The following HMCN2 variants were observed in gnomAD, a reference collection of about 807,000 sequenced individuals.
The protein encoded by HMCN2 is hemicentin 2, also known as hemicentin-2.
A neutral mutation model predicts 377.5 loss-of-function variants in HMCN2; 325 were observed. The observed-to-expected ratio is 0.86, with a 90% CI of 0.79 to 0.94. The LOEUF (loss-of-function observed/expected upper bound fraction) is 0.94. HMCN2 is among the 40% of genes least tolerant of loss of function. The probability of loss-of-function intolerance (pLI) is 0.00; values close to 1 mark genes in which losing one functional copy is unlikely to be tolerated. For missense variants in HMCN2, 4,543 were observed against 4,725.3 expected (o/e 0.96, Z 1.13); for synonymous variants, 2,007 against 2,046.8 (o/e 0.98, Z 0.53).
chr9:130,425,095 C>T lies in HMCN2; in HGVS notation c.13606C>T (p.Pro4536Ser), dbSNP rs764450160. The change falls in exon 89 of 98, where the codon CCC becomes TCC. Residue 4536 changes from proline to serine, a missense_variant. Transcript: ENST00000683500. ...CGACGTGGTGGTCAATGGCGTTGTC[C>T]CCGAGAGCCTGGCTGACGCAGATCT... ...LLDVVVNGVV[P>S]ESLADADLQV... The T allele has an allele frequency of 1.9e-6, 3 of 1,549,920 alleles. No individual in the cohort carries two copies. The highest frequency in any genetic ancestry group is 2.0e-5 in the Admixed American group (1 of 50,958).
At chr9:130,285,458 A>G (rs1835370003) in intron 3 of HMCN2, 142 bp downstream of exon 3, 1 of 368,050 alleles carries the variant, frequency 2.7e-6, no homozygotes, top group Admixed American at 3.4e-5. Context: ...AGCCTCTGCC[A>G]TGCATGGCCA....
At chr9:130,275,624 G>GT (rs1834648580) in intron 1 of HMCN2, among the ~76,000 whole-genome samples, 1 of 151,922 alleles carries the variant, frequency 6.6e-6, no homozygotes, top group Non-Finnish European at 1.5e-5. Context: ...TAATTTTTGT[G>GT]TTTTTAGTAG....
intron 85 of HMCN2, among the ~76,000 whole-genome samples, chr9:130,410,912 C>T (rs375103236): frequency 2.7e-3 from 411 of 152,276 alleles, no homozygotes; most frequent in Non-Finnish European, 3.9e-3. Flanking sequence ...AAGATCACCG[C>T]GACAGCTCTC....
At chr9:130,384,034 C>T (rs188561189) in intron 57 of HMCN2, among the ~76,000 whole-genome samples, 2 of 152,276 alleles carry the variant, frequency 1.3e-5, no homozygotes, top group East Asian at 1.9e-4. Flanking sequence ...TGACGTACAC[C>T]GCACTGCAGT....
intron 74 of HMCN2, 71 bp downstream of exon 74, chr9:130,397,726 A>C (rs1588392886): frequency 8.0e-7 from 1 of 1,251,040 alleles, no homozygotes. Flanking sequence ...TTTCTGAGTC[A>C]CCCCAGCTGT....
In HMCN2 at chr9:130,432,439, G is replaced by C. The variant is rs538511996; in HGVS notation, c.14778G>C (p.Glu4926Asp). 6.4e-7 allele frequency: 1 copy of C among 1,551,066 alleles called. No individual in the cohort carries two copies. Among genetic ancestry groups the C allele is most frequent in the East Asian group, 2.4e-5 (1 of 40,916 alleles). Residue 4926 changes from glutamate to aspartate, a missense_variant, in exon 97 of 98, where the codon GAG becomes GAC. Around this residue, in one of 5 missense-constraint regions of HMCN2, gnomAD observed 1,155 missense variants for 1,157.7 expected, o/e 1.00. Transcript: ENST00000683500. ...PSGKNCQDIN[E>D]CEEESIECGP... is the part of the protein sequence containing the mutation. ...AACTTCCCCATCCAGACATCAACGAGTGCGAGGAGGAGAGCATCGAGTGTG... is the reference window on the plus strand; with the variant it reads ...AACTTCCCCATCCAGACATCAACGACTGCGAGGAGGAGAGCATCGAGTGTG...
chr9:130,267,175 G>A (rs1006359933), intron 1 of HMCN2, among the ~76,000 whole-genome samples: 9 of 151,198 alleles, frequency 6.0e-5, no homozygotes, highest in Admixed American at 3.3e-4. Context: ...CAAACTCCTG[G>A]CCTCAGTGAT....
Position 130,359,180 on chromosome 9 carries a change from C to T in HMCN2, c.5678-139C>T, listed in dbSNP as rs117561025. 4.2e-3 allele frequency: 1,386 copies of T among 331,676 alleles called. 8 individuals are homozygous for T. Among genetic ancestry groups the T allele is most frequent in the South Asian group, 0.012 (455 of 38,138 alleles). The allele number at this position is 331,676 out of a possible 1,614,324, so 20.5% of individuals were successfully genotyped here. A position where few individuals can be genotyped will look rare whatever the true frequency, so the allele number is the denominator to read the frequency against. ...GCTTCCAGGAGTGAGGTTGCTTAGT[C>T]TGAGGACATGAGCTGTTTTAGAGCC... is the stretch of plus-strand genomic sequence containing the variant. On this transcript the variant is annotated intron_variant, in intron 36 of 97. Coordinates refer to ENST00000683500, the MANE Select transcript of HMCN2 (RefSeq NM_001291815.2).
At chr9:130,367,655 G>T (rs1313192135) in intron 43 of HMCN2, among the ~76,000 whole-genome samples, 1 of 151,856 alleles carries the variant, frequency 6.6e-6, no homozygotes, top group South Asian at 2.1e-4. Flanking sequence ...AGGATCCCAG[G>T]GGGAGGCTGG....
In HMCN2 at chr9:130,393,747, CCT is replaced by C. The variant is rs978382278; in HGVS notation, c.10241_10242del (p.Pro3414ArgfsTer10). ...CACCTTTCTGCCCTCCATAGTGCCCCCTGTCCTGGAGCCGGTGGAGTTCCAGA... is the reference window on the plus strand; with the variant it reads ...CACCTTTCTGCCCTCCATAGTGCCCCGTCCTGGAGCCGGTGGAGTTCCAGA... Reference protein sequence around the residue: ...RNFTLQVQVPPVLEPVEFQND... With the variant: ...RNFTLQVQVPXVLEPVEFQND... On this transcript the variant is annotated frameshift_variant, in exon 68 of 98. Transcript: ENST00000683500. LOFTEE classifies it high-confidence loss of function. The surrounding 1 kb of genome is among the most constrained non-coding windows in gnomAD (Gnocchi z 5.2). The C allele has an allele frequency of 4.0e-6, 5 of 1,255,152 alleles. No homozygotes were observed. The African/African-American group carries it at 7.7e-5, about 19-fold the overall frequency. The allele number at this position is 1,255,152 out of a possible 1,614,324, so 77.8% of individuals were successfully genotyped here.
chr9:130,348,638 C>T lies in HMCN2; in HGVS notation c.4118C>T (p.Pro1373Leu). 7.7e-7 allele frequency: 1 copy of T among 1,304,198 alleles called. No individual in the cohort carries two copies. Among genetic ancestry groups the T allele is most frequent in the South Asian group, 1.2e-5 (1 of 81,028 alleles). 80.8% of individuals were successfully genotyped at this position (1,304,198 alleles called of 1,614,324 possible). ...CTGGAGTGTGACGCGAACGGCTTTC[C>T]AGTCCCTGAGATCGTGTGGCTGAAG... Reference protein sequence around the residue: ...LTLECDANGFPVPEIVWLKDA... With the variant: ...LTLECDANGFLVPEIVWLKDA... Residue 1373 changes from proline (P) to leucine (L), a missense_variant, in exon 27 of 98, where the codon CCA becomes CTA. Coordinates refer to ENST00000683500, the MANE Select transcript of HMCN2 (RefSeq NM_001291815.2).
At chr9:130,268,707 C>T (rs1381894726) in intron 1 of HMCN2, among the ~76,000 whole-genome samples, 2 of 149,032 alleles carry the variant, frequency 1.3e-5, no homozygotes, top group Admixed American at 1.3e-4. Context: ...AGAGAGGACT[C>T]CCTGGGGCAT....
At chr9:130,433,166 T>TG in intron 97 of HMCN2, 182 bp from the exon 98 acceptor site, 1 of 506,604 alleles carries the variant, frequency 2.0e-6, no homozygotes, top group Non-Finnish European at 3.4e-6. Context: ...TTCAGTTTGT[T>TG]GAACTCTAAA....
chr9:130,266,194 C>T (rs1834086252), intron 1 of HMCN2, 57 bp downstream of exon 1: 9 of 404,496 alleles, frequency 2.2e-5, no homozygotes, highest in South Asian at 1.3e-4. Flanking sequence ...TCTCACCTGC[C>T]TGACCCCCTC....
chr9:130,398,331 A>T (rs957772196), intron 74 of HMCN2, among the ~76,000 whole-genome samples: 2 of 152,026 alleles, frequency 1.3e-5, no homozygotes, highest in South Asian at 4.2e-4. Flanking sequence ...GCTTCAGTCA[A>T]GGAAAGGCAC....
Position 130,422,196 on chromosome 9 carries a change from G to A in HMCN2, c.13232-381G>A, listed in dbSNP as rs1844057988. Reference sequence around the variant, plus strand: ...CTGGCTCCTTCAGTGTGCCAGCCACGCCATCGTGGGCTCCCGGCATTTCAG... The same window carrying A: ...CTGGCTCCTTCAGTGTGCCAGCCACACCATCGTGGGCTCCCGGCATTTCAG... On this transcript the variant is annotated intron_variant, in intron 86 of 97. Transcript: ENST00000683500. The surrounding 1 kb of genome is among the most constrained non-coding windows in gnomAD (Gnocchi z 4.2). 6.6e-6 allele frequency among the ~76,000 whole-genome samples: 1 copy of A among 152,236 alleles called. No homozygotes were observed. Among genetic ancestry groups the A allele is most frequent in the African/African-American group, 2.4e-5 (1 of 41,472 alleles).
rs940010347 is a variant in HMCN2, at chr9:130,345,810, C to T, written c.3830-1356C>T. 6.1e-4 allele frequency among the ~76,000 whole-genome samples: 93 copies of T among 152,100 alleles called. No homozygotes were observed. In the East Asian group the frequency reaches 0.014, roughly 23 times the overall value. ...TGGACATGGAGCAGGGCCCTGGGCC[C>T]TCCCTGTCCCTCATGCCAGCAGGGA... On this transcript the variant is annotated intron_variant, in intron 25 of 97. Coordinates refer to ENST00000683500, the MANE Select transcript of HMCN2 (RefSeq NM_001291815.2).
Position 130,393,668 on chromosome 9 carries a change from G to A in HMCN2, c.10235-74G>A, listed in dbSNP as rs1842446480. The A allele has an allele frequency of 8.6e-7, 1 of 1,169,516 alleles. No individual in the cohort carries two copies. The highest frequency in any genetic ancestry group is 1.1e-6 in the Non-Finnish European group (1 of 929,278). The allele number at this position is 1,169,516 out of a possible 1,614,324, so 72.4% of individuals were successfully genotyped here. A position where few individuals can be genotyped will look rare whatever the true frequency, so the allele number is the denominator to read the frequency against. Reference sequence around the variant, plus strand: ...ACCAGGGCGGCTTCCTGGAAGAGGTGATGTCTAAGCTGAGTACTGGAGATG... The same window carrying A: ...ACCAGGGCGGCTTCCTGGAAGAGGTAATGTCTAAGCTGAGTACTGGAGATG... On this transcript the variant is annotated intron_variant, in intron 67 of 97. Coordinates refer to ENST00000683500, the MANE Select transcript of HMCN2 (RefSeq NM_001291815.2). The surrounding 1 kb of genome is among the most constrained non-coding windows in gnomAD (Gnocchi z 5.2).
At chr9:130,404,441 C>T (rs1371286726) in intron 80 of HMCN2, among the ~76,000 whole-genome samples, 1 of 152,182 alleles carries the variant, frequency 6.6e-6, no homozygotes, top group Non-Finnish European at 1.5e-5. Flanking sequence ...TCGCTGGTCA[C>T]CAGACCAGCC....
Sources: allele counts gnomAD v4.1 joint callset (sites outside exome capture counted in the v4.1 genomes callset), GRCh38; gene constraint gnomAD v4.1.1; regional missense constraint gnomAD v4.1.1; non-coding constraint Gnocchi (gnomAD v3.1); transcripts MANE v1.5; gene names NCBI Gene and HGNC (gene_info 2026-07-23, HGNC 2026-07-21).